The following YAP1 variants were observed in gnomAD, a reference collection of about 807,000 sequenced individuals.
YAP1 encodes the protein transcriptional coactivator YAP1.
Under a neutral mutation model 56.9 loss-of-function variants are expected in YAP1, and 5 were observed. The ratio of observed to expected loss-of-function variants is 0.09; its 90% CI spans 0.05 to 0.18. YAP1 has a LOEUF of 0.18. Among genes scored for constraint, YAP1 ranks in the 10% least tolerant of loss-of-function variants. The probability of loss-of-function intolerance (pLI) is 1.00; values close to 1 mark genes in which losing one functional copy is unlikely to be tolerated. For missense variants in YAP1, 539 were observed against 651.8 expected (o/e 0.83, Z 1.88); for synonymous variants, 265 against 248.1 (o/e 1.07, Z -0.64).
At chr11:102,118,751 A>G (rs1264468451) in intron 2 of YAP1, among the ~76,000 whole-genome samples, 1 of 38,274 alleles carries the variant, frequency 2.6e-5, no homozygotes, top group Middle Eastern at 8.3e-3. Context: ...ACTCTATCTC[A>G]AAAAAAAAAA....
intron 2 of YAP1, among the ~76,000 whole-genome samples, chr11:102,122,612 G>C (rs1389902294): frequency 6.6e-6 from 1 of 152,038 alleles, no homozygotes; most frequent in South Asian, 2.1e-4. Context: ...AAAAAGAGCA[G>C]GCTGGGTATG....
rs1283686050 is a variant in YAP1, at chr11:102,172,211, A to T, written c.688+9640A>T. On this transcript the variant is annotated intron_variant, in intron 3 of 8. Coordinates refer to ENST00000282441, the MANE Select transcript of YAP1 (RefSeq NM_001130145.3). ...TTCTTCTCAAAAAAAAATAAAAGAA[A>T]AAGTTGTGGCAGATGTATGCACTGA... is the stretch of plus-strand genomic sequence containing the variant. 1.3e-5 allele frequency among the ~76,000 whole-genome samples: 2 copies of T among 151,618 alleles called. 1 individual carries two copies. Among genetic ancestry groups the T allele is most frequent in the Non-Finnish European group, 2.9e-5 (2 of 67,894 alleles).
chr11:102,192,241 G>T (rs1253542638), intron 4 of YAP1, among the ~76,000 whole-genome samples: 1 of 152,126 alleles, frequency 6.6e-6, no homozygotes, highest in Non-Finnish European at 1.5e-5. Context: ...TCTAACTGTG[G>T]TTTCTCTGGT....
At chr11:102,210,564 C>A (rs1341632407) in intron 6 of YAP1, among the ~76,000 whole-genome samples, 1 of 152,056 alleles carries the variant, frequency 6.6e-6, no homozygotes, top group African/African-American at 2.4e-5. Context: ...ATCAAAAGAC[C>A]AAGCAAGGGA....
In YAP1 at chr11:102,220,763, G is replaced by A. The variant is rs192831439; in HGVS notation, c.1033-2859G>A. On this transcript the variant is annotated intron_variant, in intron 6 of 8. Transcript: ENST00000282441. The stretch of plus-strand genomic sequence containing the variant: ...AAATAAGTGCATGTAAGATTTTGGG[G>A]AGAGAAGTTTCTAAGCCAGTTCTTG... Among the ~76,000 whole-genome samples the A allele has an allele frequency of 1.4e-3, 219 of 152,330 alleles. 7 individuals are homozygous for A. In the South Asian group the frequency reaches 0.024, roughly 17 times the overall value.
intron 1 of YAP1, among the ~76,000 whole-genome samples, chr11:102,113,633 T>A (rs979891334): frequency 1.4e-4 from 22 of 152,226 alleles, no homozygotes; most frequent in African/African-American, 5.3e-4. Flanking sequence ...TTATGATTTC[T>A]TTATTGATGG....
intron 2 of YAP1, among the ~76,000 whole-genome samples, chr11:102,115,286 G>A (rs1046715266): frequency 6.6e-6 from 1 of 152,096 alleles, no homozygotes; most frequent in African/African-American, 2.4e-5. Flanking sequence ...TCACTTAATA[G>A]TGTTTAATCA....
At chr11:102,209,611 ATATT>A in intron 6 of YAP1, 47 bp downstream of exon 6, 5 of 1,439,446 alleles carry the variant, frequency 3.5e-6, no homozygotes, top group Non-Finnish European at 4.7e-6. Flanking sequence ...AAAAAAAAAG[ATATT>A]AAATTAGGAA....
At chr11:102,138,162 G>A (rs1259752838) in intron 2 of YAP1, among the ~76,000 whole-genome samples, 2 of 152,242 alleles carry the variant, frequency 1.3e-5, no homozygotes, top group Non-Finnish European at 2.9e-5. Flanking sequence ...TGGAATTATA[G>A]GCATGAGCCA....
intron 2 of YAP1, among the ~76,000 whole-genome samples, chr11:102,133,527 G>A (rs1944496943): frequency 1.3e-5 from 2 of 152,116 alleles, no homozygotes; most frequent in Admixed American, 6.5e-5. Flanking sequence ...AAACTCCAAG[G>A]CCCAAGTGAT....
chr11:102,179,778 G>T (rs1009723361), intron 3 of YAP1, among the ~76,000 whole-genome samples: 1 of 152,058 alleles, frequency 6.6e-6, no homozygotes, highest in Non-Finnish European at 1.5e-5. Context: ...AATTCCATCA[G>T]ATAGGGACTA....
At chr11:102,143,195 A>G (rs1945117400) in intron 2 of YAP1, among the ~76,000 whole-genome samples, 1 of 152,026 alleles carries the variant, frequency 6.6e-6, no homozygotes, top group African/African-American at 2.4e-5. Flanking sequence ...AGAAATATAG[A>G]CTATATTGCG....
At chr11:102,182,058 G>T (rs1464916621) in intron 3 of YAP1, among the ~76,000 whole-genome samples, 2 of 152,092 alleles carry the variant, frequency 1.3e-5, no homozygotes, top group African/African-American at 2.4e-5. Context: ...CTGACCTCGT[G>T]ATCCCCTGCC....
chr11:102,226,476 C>G (rs1396457079), intron 7 of YAP1, among the ~76,000 whole-genome samples: 3 of 152,100 alleles, frequency 2.0e-5, no homozygotes, highest in East Asian at 3.8e-4. Flanking sequence ...AATGTACAAG[C>G]CGTAGAGAAA....
chr11:102,112,789 A>G (rs1424474594), intron 1 of YAP1: 1 of 984,886 alleles, frequency 1.0e-6, no homozygotes, highest in African/African-American at 1.7e-5. Context: ...TTATGGACTC[A>G]TTGTGGGTAA....
intron 4 of YAP1, among the ~76,000 whole-genome samples, chr11:102,205,501 G>C (rs142316635): frequency 1.3e-5 from 2 of 152,104 alleles, no homozygotes. Context: ...GGAGCCAAAA[G>C]ATGTTAGTTG....
chr11:102,169,923 TATG>T (rs1218701137), intron 3 of YAP1, among the ~76,000 whole-genome samples: 1 of 152,224 alleles, frequency 6.6e-6, no homozygotes, highest in Non-Finnish European at 1.5e-5. Flanking sequence ...CAATATGGAA[TATG>T]ATGACTTAAA....
At chr11:102,178,754 T>C (rs1465093224) in intron 3 of YAP1, among the ~76,000 whole-genome samples, 2 of 152,156 alleles carry the variant, frequency 1.3e-5, no homozygotes, top group Non-Finnish European at 2.9e-5. Flanking sequence ...CAATCTAATT[T>C]TGTGTTGCTA....
chr11:102,133,495 A>C (rs7483204), intron 2 of YAP1, among the ~76,000 whole-genome samples: 147,453 of 152,232 alleles, frequency 0.97, 71,589 homozygotes, highest in East Asian at 1. Flanking sequence ...TGGGGTTTCA[A>C]CATGTTGCCA....
Sources: allele counts gnomAD v4.1 joint callset (sites outside exome capture counted in the v4.1 genomes callset), GRCh38; gene constraint gnomAD v4.1.1; transcripts MANE v1.5; gene names NCBI Gene and HGNC (gene_info 2026-07-23, HGNC 2026-07-21).